SPEF2: variants seen among roughly 807,000 people sequenced by gnomAD.
SPEF2 encodes the protein sperm flagellar and cilia associated 2.
In SPEF2, 187 loss-of-function variants were observed where a neutral mutation model predicts 224.6. The observed-to-expected ratio is 0.83, with a 90% confidence interval of 0.74 to 0.94. SPEF2 has a LOEUF of 0.94. SPEF2 is among the 40% of genes least tolerant of loss of function. The pLI is 0.00. For synonymous variants in SPEF2, 715 were observed against 707.3 expected (o/e 1.01, Z -0.17); for missense variants, 2,170 against 2,135.6 (o/e 1.02, Z -0.32).
chr5:35,788,034 G>A, intron 30 of SPEF2: 1 of 702,772 alleles, frequency 1.4e-6, no homozygotes, highest in Admixed American at 2.0e-5. Flanking sequence ...TGCGCCTTGT[G>A]TCGTAAGCAT....
At chr5:35,694,627 T>G in intron 13 of SPEF2, among the ~76,000 whole-genome samples, 1 of 151,802 alleles carries the variant, frequency 6.6e-6, no homozygotes, top group South Asian at 2.1e-4. Flanking sequence ...GAATCCAGGA[T>G]AAATCATCCT....
intron 26 of SPEF2, among the ~76,000 whole-genome samples, chr5:35,770,395 A>G (rs1288461231): frequency 1.3e-5 from 2 of 152,060 alleles, no homozygotes; most frequent in Non-Finnish European, 2.9e-5. Context: ...TTTGAAATAT[A>G]CAATACATTA....
intron 19 of SPEF2, chr5:35,709,463 A>G (rs1054490322): frequency 2.0e-6 from 2 of 1,018,928 alleles, no homozygotes; most frequent in African/African-American, 1.7e-5. Flanking sequence ...ATAGAGTTAC[A>G]TTTATGTAAT....
intron 17 of SPEF2, among the ~76,000 whole-genome samples, chr5:35,705,311 G>A (rs1327465000): frequency 6.6e-6 from 1 of 151,942 alleles, no homozygotes; most frequent in East Asian, 1.9e-4. Flanking sequence ...TGGCCTAGGT[G>A]CATCAGGCTG....
At chr5:35,658,174 G>A (rs975296214) in intron 7 of SPEF2, among the ~76,000 whole-genome samples, 35 of 152,136 alleles carry the variant, frequency 2.3e-4, no homozygotes, top group African/African-American at 8.2e-4. Context: ...AAATAGGCCC[G>A]AGAAACTGAG....
At chr5:35,773,782 A>G in intron 27 of SPEF2, 111 bp from the exon 28 acceptor site, 1 of 1,259,454 alleles carries the variant, frequency 7.9e-7, no homozygotes, top group Non-Finnish European at 1.1e-6. Context: ...TTTCCGAATC[A>G]CTAGAGGTTT....
intron 24 of SPEF2, among the ~76,000 whole-genome samples, chr5:35,759,147 T>C (rs1166184232): frequency 6.6e-6 from 1 of 152,048 alleles, no homozygotes; most frequent in African/African-American, 2.4e-5. Flanking sequence ...TGTATTTGTA[T>C]GTATAGTGTT....
chr5:35,720,739 A>T lies in SPEF2; in HGVS notation c.2915-6936A>T, dbSNP rs190707071. ...TATTAGCATTATTCATCAAGATATA[A>T]CCTAAAGAAGATTGAGCATCATTTT... On this transcript the variant is annotated intron_variant, in intron 20 of 36. Coordinates refer to ENST00000356031, the MANE Select transcript of SPEF2 (RefSeq NM_024867.4). Among the ~76,000 whole-genome samples, 13 of 152,302 alleles carry T rather than the reference A, an allele frequency of 8.5e-5. No individual in the cohort carries two copies. The East Asian group carries it at 2.3e-3, about 27-fold the overall frequency.
intron 9 of SPEF2, 35 bp downstream of exon 9, chr5:35,667,294 G>C: frequency 6.7e-7 from 1 of 1,498,870 alleles, no homozygotes; most frequent in Non-Finnish European, 9.1e-7. Context: ...GTAGAGACAC[G>C]ATAGAGAATG....
At chr5:35,751,074 T>TAC (rs1749512027) in intron 23 of SPEF2, among the ~76,000 whole-genome samples, 1 of 54,138 alleles carries the variant, frequency 1.8e-5, no homozygotes, top group Admixed American at 2.3e-4. Context: ...TATGTATATA[T>TAC]ATATACACAC....
At chr5:35,693,659 T>C (rs1754857119) in intron 12 of SPEF2, among the ~76,000 whole-genome samples, 1 of 152,162 alleles carries the variant, frequency 6.6e-6, no homozygotes, top group African/African-American at 2.4e-5. Flanking sequence ...CAATAGCTTC[T>C]CTATGATTAA....
At chr5:35,747,231 C>T (rs1222840993) in intron 23 of SPEF2, among the ~76,000 whole-genome samples, 1 of 152,126 alleles carries the variant, frequency 6.6e-6, no homozygotes, top group Admixed American at 6.5e-5. Context: ...ATAAATCACA[C>T]AGGACCTATT....
chr5:35,763,815 T>C, intron 26 of SPEF2, 113 bp downstream of exon 26: 3 of 935,992 alleles, frequency 3.2e-6, no homozygotes, highest in Non-Finnish European at 4.5e-6. Flanking sequence ...CTGTAGAAAA[T>C]TGTACCTTCG....
At chr5:35,716,215 T>C (rs1742541110) in intron 20 of SPEF2, among the ~76,000 whole-genome samples, 1 of 152,034 alleles carries the variant, frequency 6.6e-6, no homozygotes, top group Non-Finnish European at 1.5e-5. Flanking sequence ...TTATATGATA[T>C]GTTGGGTTTG....
chr5:35,796,647 TAAG>T (rs1332067840), intron 33 of SPEF2, among the ~76,000 whole-genome samples: 1 of 151,724 alleles, frequency 6.6e-6, no homozygotes, highest in Non-Finnish European at 1.5e-5. Context: ...CTGACCTCAG[TAAG>T]ACATGAAAAA....
At chr5:35,692,797 T>G in intron 12 of SPEF2, 73 bp downstream of exon 12, 4 of 1,461,844 alleles carry the variant, frequency 2.7e-6, no homozygotes, top group Non-Finnish European at 3.7e-6. Flanking sequence ...ATTTAAAAGG[T>G]CTTCTCTAGA....
Position 35,618,001 on chromosome 5 carries a change from T to A in SPEF2, c.4T>A (p.Ser2Thr). 1 of 1,581,358 alleles carries A rather than the reference T, an allele frequency of 6.3e-7. No homozygotes were observed. Among genetic ancestry groups the A allele is most frequent in the African/African-American group, 1.3e-5 (1 of 74,226 alleles). M[S>T]EILCQWLNKE... is the part of the protein sequence containing the mutation. Reference sequence around the variant, plus strand: ...GGTCTGAGGCACCGGCTGAACCATGTCGGAGATCCTGTGCCAGTGGCTCAA... The same window carrying A: ...GGTCTGAGGCACCGGCTGAACCATGACGGAGATCCTGTGCCAGTGGCTCAA... The change falls in exon 1 of 37, where the codon TCG becomes ACG. Residue 2 changes from serine (S) to threonine (T), a missense_variant. Coordinates refer to ENST00000356031, the MANE Select transcript of SPEF2 (RefSeq NM_024867.4).
intron 7 of SPEF2, among the ~76,000 whole-genome samples, chr5:35,656,382 C>A (rs145061221): frequency 2.0e-5 from 3 of 152,274 alleles, no homozygotes; most frequent in African/African-American, 7.2e-5. Flanking sequence ...CTGCACATCT[C>A]TTTGTGCTAG....
chr5:35,641,401 T>A (rs1215889609), intron 2 of SPEF2, 30 bp from the exon 3 acceptor site: 1 of 1,586,246 alleles, frequency 6.3e-7, no homozygotes, highest in South Asian at 1.2e-5. Flanking sequence ...AATGCTAATG[T>A]CTAATTATGT....
Sources: gnomAD v4.1 joint callset for allele counts (sites outside exome capture counted in the v4.1 genomes callset) on GRCh38, gnomAD v4.1.1 for gene constraint, MANE v1.5 for transcripts, NCBI Gene and HGNC (gene_info 2026-07-23, HGNC 2026-07-21) for gene names.